The following KLHL14 variants were observed in gnomAD, a reference collection of about 807,000 sequenced individuals.
KLHL14 encodes the protein kelch like family member 14, also known as kelch-like protein 14.
KLHL14 carries 22 observed loss-of-function variants against 64.3 expected under a neutral mutation model. The observed-to-expected ratio is 0.34, with a 90% CI of 0.24 to 0.49. KLHL14 has a LOEUF of 0.49. Among genes scored for constraint, KLHL14 ranks in the 20% least tolerant of loss-of-function variants. The probability of loss-of-function intolerance (pLI) is 0.99; values close to 1 mark genes in which losing one functional copy is unlikely to be tolerated. For synonymous variants in KLHL14, 322 were observed against 333.4 expected (o/e 0.97, Z 0.37); for missense variants, 661 against 789.0 (o/e 0.84, Z 1.94).
chr18:32,680,140 A>C lies in KLHL14; in HGVS notation c.1588+29T>G. 6.2e-7 allele frequency: 1 copy of C among 1,607,870 alleles called. No homozygotes were observed. Among genetic ancestry groups the C allele is most frequent in the Non-Finnish European group, 8.5e-7 (1 of 1,175,800 alleles). ...AATATGAGGTGCAAATGTTATTGTG[A>C]CTAAAAAACAAAACAACAAAAAAAA... On this transcript the variant is annotated intron_variant, in intron 7 of 8. Coordinates refer to ENST00000359358, the MANE Select transcript of KLHL14 (RefSeq NM_020805.3). The surrounding 1 kb of genome is among the most constrained non-coding windows in gnomAD (Gnocchi z 4.8).
At chr18:32,720,336 C>G (rs1409132128) in intron 3 of KLHL14, among the ~76,000 whole-genome samples, 2 of 152,142 alleles carry the variant, frequency 1.3e-5, no homozygotes, top group Non-Finnish European at 2.9e-5. Context: ...ATCATAGTGA[C>G]AGCGCTTATG....
At chr18:32,687,437 T>G (rs1007597307) in intron 4 of KLHL14, among the ~76,000 whole-genome samples, 1 of 152,316 alleles carries the variant, frequency 6.6e-6, no homozygotes, top group Non-Finnish European at 1.5e-5. Flanking sequence ...TTCTCTTTCC[T>G]TTTTCTCTTT....
At chr18:32,772,111 C>CGCCG (rs1297058132) in intron 1 of KLHL14, 1 of 240,470 alleles carries the variant, frequency 4.2e-6, no homozygotes, top group African/African-American at 2.4e-5. Flanking sequence ...CCCGCCGGCC[C>CGCCG]GCCGGCCCGC....
intron 3 of KLHL14, among the ~76,000 whole-genome samples, chr18:32,740,510 TTCTC>T (rs1480045246): frequency 6.6e-6 from 1 of 152,196 alleles, no homozygotes; most frequent in Admixed American, 6.5e-5. Flanking sequence ...CCTTCCTCTT[TTCTC>T]TCTCCTCCTC....
intron 3 of KLHL14, among the ~76,000 whole-genome samples, chr18:32,704,458 C>T (rs377460040): frequency 5.3e-5 from 8 of 152,282 alleles, no homozygotes; most frequent in South Asian, 2.1e-4. Context: ...CACAGTGGCT[C>T]ACACCTGTAA....
At chr18:32,693,397 CACACACACACACACACAGAGAGAGAG>C (rs2049919050) in intron 4 of KLHL14, among the ~76,000 whole-genome samples, 2 of 120,030 alleles carry the variant, frequency 1.7e-5, no homozygotes, top group Admixed American at 1.7e-4. Context: ...CACACACACA[CACACACACACACACACAGAGAGAGAG>C]AGAGAGAGAG....
At chr18:32,713,049 T>G (rs2144501959) in intron 3 of KLHL14, among the ~76,000 whole-genome samples, 1 of 152,286 alleles carries the variant, frequency 6.6e-6, no homozygotes, top group African/African-American at 2.4e-5. Context: ...CCATCCACAC[T>G]TAATACTTTG....
chr18:32,675,330 G>T (rs1022853220), intron 8 of KLHL14, among the ~76,000 whole-genome samples: 2 of 152,156 alleles, frequency 1.3e-5, no homozygotes, highest in African/African-American at 2.4e-5. Context: ...AGACAACAGA[G>T]TAAGATCTTG....
At chr18:32,751,920 A>G (rs531860871) in intron 2 of KLHL14, among the ~76,000 whole-genome samples, 1 of 152,316 alleles carries the variant, frequency 6.6e-6, no homozygotes, top group South Asian at 2.1e-4. Flanking sequence ...TGAGGTCAGC[A>G]GCTTGAGATC....
intron 3 of KLHL14, among the ~76,000 whole-genome samples, chr18:32,725,531 A>G (rs1249327806): frequency 6.6e-6 from 1 of 152,208 alleles, no homozygotes; most frequent in Non-Finnish European, 1.5e-5. Context: ...CCCGTGGCTA[A>G]TGAGCCAATG....
chr18:32,755,160 A>G (rs1264805230), intron 2 of KLHL14, among the ~76,000 whole-genome samples: 1 of 151,970 alleles, frequency 6.6e-6, no homozygotes, highest in Non-Finnish European at 1.5e-5. Flanking sequence ...TCGAGGGACC[A>G]TGGTGCCACA....
chr18:32,758,356 A>G (rs928078312), intron 2 of KLHL14, among the ~76,000 whole-genome samples: 6 of 152,208 alleles, frequency 3.9e-5, no homozygotes, highest in African/African-American at 1.2e-4. Context: ...ATTAGCCATT[A>G]GGGGAATGCA....
chr18:32,692,060 T>C (rs1054185815), intron 4 of KLHL14, among the ~76,000 whole-genome samples: 2 of 152,228 alleles, frequency 1.3e-5, no homozygotes, highest in African/African-American at 4.8e-5. Flanking sequence ...ACAGAGTCTA[T>C]GTATATCTAT....
At chr18:32,716,074 A>C (rs1365858507) in intron 3 of KLHL14, among the ~76,000 whole-genome samples, 1 of 152,232 alleles carries the variant, frequency 6.6e-6, no homozygotes, top group African/African-American at 2.4e-5. Context: ...TCTGACATTT[A>C]GAAGTCATTT....
intron 3 of KLHL14, among the ~76,000 whole-genome samples, chr18:32,714,228 G>A (rs1252847530): frequency 6.6e-6 from 1 of 152,096 alleles, no homozygotes; most frequent in Non-Finnish European, 1.5e-5. Context: ...TCAATTTATA[G>A]AGAATGTGCC....
intron 3 of KLHL14, among the ~76,000 whole-genome samples, chr18:32,700,430 AC>A: frequency 6.6e-6 from 1 of 152,186 alleles, no homozygotes. Flanking sequence ...CCCTCGGCCC[AC>A]CCTCAGCCTT....
intron 2 of KLHL14, among the ~76,000 whole-genome samples, chr18:32,756,549 G>T (rs926355457): frequency 3.3e-5 from 5 of 152,162 alleles, no homozygotes; most frequent in Non-Finnish European, 2.9e-5. Flanking sequence ...CTGATGGAAG[G>T]CTTGAGGGGC....
At chr18:32,733,667 T>C (rs1410084893) in intron 3 of KLHL14, 1 of 154,068 alleles carries the variant, frequency 6.5e-6, no homozygotes, top group Non-Finnish European at 1.4e-5. Flanking sequence ...AGGAAGAGCA[T>C]ATTCATCAGG....
At chr18:32,766,957 T>G (rs1382223450) in intron 2 of KLHL14, among the ~76,000 whole-genome samples, 1 of 152,190 alleles carries the variant, frequency 6.6e-6, no homozygotes, top group East Asian at 1.9e-4. Flanking sequence ...CTTTTGAAGT[T>G]ATTCTATTTG....
Sources: allele counts gnomAD v4.1 joint callset (sites outside exome capture counted in the v4.1 genomes callset), GRCh38; gene constraint gnomAD v4.1.1; non-coding constraint Gnocchi (gnomAD v3.1); transcripts MANE v1.5; gene names NCBI Gene and HGNC (gene_info 2026-07-23, HGNC 2026-07-21).